Variants in TRMT11 observed in about 807,000 individuals in gnomAD.
TRMT11 encodes the protein tRNA methyltransferase 11.
In TRMT11, 53 loss-of-function variants were observed where a neutral mutation model predicts 62.8. That is an observed-to-expected ratio of 0.84 (90% CI 0.68 to 1.06). The LOEUF (loss-of-function observed/expected upper bound fraction) is 1.06. Among genes scored for constraint, TRMT11 ranks in the 50% least tolerant of loss-of-function variants. The pLI is 0.00. For synonymous variants in TRMT11, 188 were observed against 190.3 expected, an observed-to-expected ratio of 0.99 and a Z score of 0.10; for missense variants, 556 against 553.4, an observed-to-expected ratio of 1.00 and a Z score of -0.05.
At chr6:126,170,908 A>G (rs768727523) in intron 21 of TRMT11, among the ~76,000 whole-genome samples, 2 of 152,226 alleles carry the variant, frequency 1.3e-5, no homozygotes, top group Non-Finnish European at 2.9e-5. Context: ...GGAAGCATCA[A>G]TAAAATGTCA....
intron 1 of TRMT11, among the ~76,000 whole-genome samples, chr6:126,198,151 C>G (rs1258281844): frequency 6.6e-6 from 1 of 152,092 alleles, no homozygotes; most frequent in Non-Finnish European, 1.5e-5. Context: ...CAATTACTGC[C>G]ATCTCTTTAC....
chr6:126,006,546 G>A lies in TRMT11; in HGVS notation c.680-1846G>A, dbSNP rs1174209303. 1.1e-4 allele frequency among the ~76,000 whole-genome samples: 16 copies of A among 151,478 alleles called. No homozygotes were observed. The East Asian group carries it at 2.1e-3, about 20-fold the overall frequency. On this transcript the variant is annotated intron_variant, in intron 7 of 12. Coordinates refer to ENST00000334379, the MANE Select transcript of TRMT11 (RefSeq NM_001031712.3). ...ATGCAGTATTTTTACTTTTGGTAACGCAAAAAGAAATGGGTGAGTCATGTT... is the reference window on the plus strand; with the variant it reads ...ATGCAGTATTTTTACTTTTGGTAACACAAAAAGAAATGGGTGAGTCATGTT...
intron 1 of TRMT11, among the ~76,000 whole-genome samples, chr6:126,195,649 C>T (rs570241877): frequency 2.6e-5 from 4 of 152,288 alleles, no homozygotes; most frequent in African/African-American, 9.6e-5. Flanking sequence ...GCATCTTACC[C>T]CTTCCCATAG....
chr6:126,127,725 A>G (rs985228066), intron 21 of TRMT11, among the ~76,000 whole-genome samples: 98 of 141,258 alleles, frequency 6.9e-4, no homozygotes, highest in African/African-American at 2.6e-3. Flanking sequence ...TCATTGTTCA[A>G]TTCCCACCTA....
chr6:126,056,122 CT>C (rs1776367479), intron 17 of TRMT11, among the ~76,000 whole-genome samples: 1 of 152,200 alleles, frequency 6.6e-6, no homozygotes, highest in African/African-American at 2.4e-5. Context: ...CTGAATTCAT[CT>C]TTGTCTTATT....
chr6:126,024,263 A>C (rs1796225204), intron 12 of TRMT11, among the ~76,000 whole-genome samples: 1 of 152,234 alleles, frequency 6.6e-6, no homozygotes, highest in African/African-American at 2.4e-5. Flanking sequence ...GGGCAACTTA[A>C]CAGAAATTTA....
the TRMT11 span, among the ~76,000 whole-genome samples, chr6:126,239,876 G>T: frequency 6.6e-6 from 1 of 152,078 alleles, no homozygotes; most frequent in Non-Finnish European, 1.5e-5. Context: ...TTTTCACATA[G>T]TCCTATATTT....
downstream of TRMT11, among the ~76,000 whole-genome samples, chr6:126,207,392 A>G (rs1778800730): frequency 6.6e-6 from 1 of 152,192 alleles, no homozygotes. Flanking sequence ...CAGAGATGGG[A>G]GATGGGTAGG....
chr6:126,061,660 A>C (rs867033949), intron 17 of TRMT11, among the ~76,000 whole-genome samples: 1 of 150,566 alleles, frequency 6.6e-6, no homozygotes, highest in African/African-American at 2.4e-5. Flanking sequence ...TGGTAATGGC[A>C]CCTTCCTCGT....
chr6:126,209,079 A>G, the TRMT11 span, among the ~76,000 whole-genome samples: 7 of 152,204 alleles, frequency 4.6e-5, no homozygotes, highest in Non-Finnish European at 1.0e-4. Context: ...TGAGTTATAT[A>G]TAGGAAATTA....
At chr6:126,254,082 A>G in the TRMT11 span, among the ~76,000 whole-genome samples, 2 of 152,174 alleles carry the variant, frequency 1.3e-5, no homozygotes, top group Non-Finnish European at 2.9e-5. Flanking sequence ...CCTCTTTTAC[A>G]TAGGAATCTT....
chr6:126,074,909 T>C (rs1323023361), intron 17 of TRMT11, among the ~76,000 whole-genome samples: 1 of 152,194 alleles, frequency 6.6e-6, no homozygotes, highest in Non-Finnish European at 1.5e-5. Context: ...TTTTTTAATT[T>C]ATTGAAGTAT....
chr6:126,008,692 T>A, intron 8 of TRMT11: 2 of 686,988 alleles, frequency 2.9e-6, no homozygotes, highest in Non-Finnish European at 5.4e-6. Context: ...ATGAAGACCT[T>A]TATGATGATC....
At chr6:126,008,674 T>C (rs1046155543) in intron 8 of TRMT11, 2 of 694,532 alleles carry the variant, frequency 2.9e-6, no homozygotes, top group African/African-American at 3.5e-5. Context: ...AACATGAAGG[T>C]GATGAGGATG....
chr6:126,043,001 AAG>A (rs1775924272), downstream of TRMT11, among the ~76,000 whole-genome samples: 1 of 152,080 alleles, frequency 6.6e-6, no homozygotes, highest in South Asian at 2.1e-4. Context: ...CTTCTGCACA[AAG>A]AGCCAAATTG....
chr6:126,208,980 A>G, the TRMT11 span, among the ~76,000 whole-genome samples: 3 of 152,270 alleles, frequency 2.0e-5, no homozygotes, highest in Non-Finnish European at 4.4e-5. Flanking sequence ...TTTACAACAT[A>G]GTTTAAGCAT....
chr6:126,256,869 T>TTTGTTTGTTTGTTTGTTGTTG, the TRMT11 span, among the ~76,000 whole-genome samples: 3 of 151,808 alleles, frequency 2.0e-5, no homozygotes, highest in African/African-American at 7.3e-5. Context: ...TTGTTTTTTG[T>TTTGTTTGTTTGTTTGTTGTTG]TTGTTTGTTT....
At chr6:126,196,879 T>G (rs1488965304) in intron 1 of TRMT11, among the ~76,000 whole-genome samples, 1 of 152,170 alleles carries the variant, frequency 6.6e-6, no homozygotes, top group Admixed American at 6.5e-5. Context: ...AAAACAAGGT[T>G]TATGATTTTC....
chr6:126,271,192 G>A, the TRMT11 span, among the ~76,000 whole-genome samples: 35 of 151,196 alleles, frequency 2.3e-4, no homozygotes, highest in African/African-American at 7.3e-4. Context: ...GGTGAAATCC[G>A]ATCTCTACTA....
Sources: gnomAD v4.1 joint callset for allele counts (sites outside exome capture counted in the v4.1 genomes callset) on GRCh38, gnomAD v4.1.1 for gene constraint, MANE v1.5 for transcripts, NCBI Gene and HGNC (gene_info 2026-07-23, HGNC 2026-07-21) for gene names.